SIL1: variants seen among roughly 807,000 people sequenced by gnomAD.
The protein encoded by SIL1 is SIL1 nucleotide exchange factor, also known as nucleotide exchange factor SIL1.
A neutral mutation model predicts 49.1 loss-of-function variants in SIL1; 40 were observed. The observed-to-expected ratio is 0.81, with a 90% CI of 0.63 to 1.06. The LOEUF (loss-of-function observed/expected upper bound fraction) is 1.06, where lower values mean the gene tolerates loss of function less well. Among genes scored for constraint, SIL1 ranks in the 50% least tolerant of loss-of-function variants. The pLI, the probability that SIL1 is intolerant of heterozygous loss-of-function variation, is 0.00. For missense variants in SIL1, 500 were observed against 572.6 expected, an observed-to-expected ratio of 0.87 and a Z score of 1.29; for synonymous variants, 253 against 250.8, an observed-to-expected ratio of 1.01 and a Z score of -0.08.
intron 7 of SIL1, among the ~76,000 whole-genome samples, chr5:138,977,168 G>A (rs1239322379): frequency 1.3e-5 from 2 of 152,218 alleles, no homozygotes; most frequent in Non-Finnish European, 2.9e-5. Context: ...AAATCAGGCA[G>A]ACATCACGGT....
At chr5:139,027,120 C>CT (rs1768675798) in intron 5 of SIL1, 128 bp from the exon 6 acceptor site, 1 of 861,112 alleles carries the variant, frequency 1.2e-6, no homozygotes, top group African/African-American at 1.7e-5. Flanking sequence ...CTCATCTATG[C>CT]TATCAAAAAT....
intron 3 of SIL1, among the ~76,000 whole-genome samples, chr5:139,061,038 C>G (rs1769576546): frequency 6.6e-6 from 1 of 152,156 alleles, no homozygotes; most frequent in African/African-American, 2.4e-5. Flanking sequence ...GTGAAAAATG[C>G]CCCTTCTAAA....
Position 138,947,904 on chromosome 5 carries a change from G to C in SIL1, c.1030-431C>G, listed in dbSNP as rs1330545918. 1.3e-5 allele frequency among the ~76,000 whole-genome samples: 2 copies of C among 152,200 alleles called. No homozygotes were observed. Among genetic ancestry groups the C allele is most frequent in the African/African-American group, 4.8e-5 (2 of 41,444 alleles). ...TCATCGTCATCACCTCCTAAGTGGA[G>C]AAACTCAGCCTGTCTGTAAAGCGCA... On this transcript the variant is annotated intron_variant, in intron 9 of 9. Transcript: ENST00000394817. This position sits in a 1 kb window ranked among gnomAD's most constrained non-coding sequence, Gnocchi z 4.1.
intron 3 of SIL1, among the ~76,000 whole-genome samples, chr5:139,082,807 G>C (rs10515506): frequency 6.6e-6 from 1 of 152,180 alleles, no homozygotes; most frequent in Admixed American, 6.6e-5. Flanking sequence ...TTCCAATCAC[G>C]TTCTTATCAA....
chr5:138,984,547 T>C (rs988822932), intron 7 of SIL1, among the ~76,000 whole-genome samples: 2 of 151,926 alleles, frequency 1.3e-5, no homozygotes, highest in Admixed American at 6.6e-5. Context: ...TTAGTAGAGA[T>C]TGGGTTTTGC....
At chr5:139,058,756 A>G (rs1769515532) in intron 3 of SIL1, among the ~76,000 whole-genome samples, 1 of 152,186 alleles carries the variant, frequency 6.6e-6, no homozygotes, top group African/African-American at 2.4e-5. Flanking sequence ...TTCTGGTTCC[A>G]TAAGATGTTC....
At chr5:139,048,794 G>A (rs1314540139) in intron 4 of SIL1, among the ~76,000 whole-genome samples, 1 of 152,194 alleles carries the variant, frequency 6.6e-6, no homozygotes, top group African/African-American at 2.4e-5. Flanking sequence ...TGTGTATTGT[G>A]GACGAAAGAA....
At chr5:139,145,678 GTGTA>G in intron 1 of SIL1, among the ~76,000 whole-genome samples, 1 of 106,036 alleles carries the variant, frequency 9.4e-6, no homozygotes, top group Middle Eastern at 6.5e-3. Flanking sequence ...GTGTGTGTGT[GTGTA>G]TTTCCAATGG....
intron 1 of SIL1, among the ~76,000 whole-genome samples, chr5:139,172,873 G>A (rs1374920781): frequency 6.6e-6 from 1 of 152,030 alleles, no homozygotes; most frequent in Non-Finnish European, 1.5e-5. Context: ...TCTATCCTCT[G>A]TGACATTTCC....
intron 7 of SIL1, among the ~76,000 whole-genome samples, chr5:139,001,634 C>G (rs554261468): frequency 6.6e-6 from 1 of 152,296 alleles, no homozygotes; most frequent in South Asian, 2.1e-4. Flanking sequence ...CAGGCGGGCA[C>G]AGTGGCTCAT....
At chr5:139,195,611 T>A (rs1752253054) in intron 1 of SIL1, among the ~76,000 whole-genome samples, 1 of 151,982 alleles carries the variant, frequency 6.6e-6, no homozygotes, top group Non-Finnish European at 1.5e-5. Flanking sequence ...ATGGTCTCGA[T>A]CTCCTGACCT....
At chr5:139,025,526 A>T (rs1395349648) in intron 6 of SIL1, among the ~76,000 whole-genome samples, 1 of 152,236 alleles carries the variant, frequency 6.6e-6, no homozygotes, top group Admixed American at 6.5e-5. Context: ...ATTAGTTATT[A>T]TAAGTCTGAT....
chr5:139,025,519 A>G (rs2150432034), intron 6 of SIL1, among the ~76,000 whole-genome samples: 1 of 152,288 alleles, frequency 6.6e-6, no homozygotes, highest in East Asian at 1.9e-4. Flanking sequence ...AACAAATATT[A>G]GTTATTATAA....
At chr5:139,096,882 G>A (rs1770478491) in intron 3 of SIL1, among the ~76,000 whole-genome samples, 1 of 151,912 alleles carries the variant, frequency 6.6e-6, no homozygotes, top group South Asian at 2.1e-4. Flanking sequence ...ACCAAGCAGG[G>A]CCCTGGGGTC....
intron 1 of SIL1, among the ~76,000 whole-genome samples, chr5:139,178,215 G>A (rs1284544087): frequency 1.3e-5 from 2 of 152,206 alleles, no homozygotes; most frequent in Non-Finnish European, 2.9e-5. Context: ...GGAGGAACAA[G>A]GCCACACTAA....
intron 3 of SIL1, among the ~76,000 whole-genome samples, chr5:139,098,381 G>C (rs1270628566): frequency 6.6e-6 from 1 of 152,146 alleles, no homozygotes; most frequent in Non-Finnish European, 1.5e-5. Flanking sequence ...GGGAAAACTG[G>C]ATATCCATAT....
rs528956163 is a variant in SIL1, at chr5:139,172,790, G to A, written c.-11+25479C>T. ...AGCCGCAATGGCTGCCAGCTGTTGC[G>A]GCCACAGTGAAGACAGGCAGCAAAA... On this transcript the variant is annotated intron_variant, in intron 1 of 9. Transcript: ENST00000394817. Among the ~76,000 whole-genome samples the A allele has an allele frequency of 5.9e-5, 9 of 152,252 alleles. No homozygotes were observed. The South Asian group carries it at 6.2e-4, about 11-fold the overall frequency.
At chr5:139,037,134 T>C (rs1561837764) in intron 5 of SIL1, among the ~76,000 whole-genome samples, 2 of 147,982 alleles carry the variant, frequency 1.4e-5, no homozygotes. Context: ...GTTCATTTTT[T>C]CCCCCAGCAA....
intron 3 of SIL1, among the ~76,000 whole-genome samples, chr5:139,099,609 A>G (rs1770543306): frequency 6.6e-6 from 1 of 152,240 alleles, no homozygotes; most frequent in Admixed American, 6.5e-5. Context: ...AAAAAAAAGA[A>G]TGAGATCCTA....
Sources: allele counts gnomAD v4.1 joint callset (sites outside exome capture counted in the v4.1 genomes callset), GRCh38; gene constraint gnomAD v4.1.1; non-coding constraint Gnocchi (gnomAD v3.1); transcripts MANE v1.5; gene names NCBI Gene and HGNC (gene_info 2026-07-23, HGNC 2026-07-21).